Variants in PARP8 observed in about 807,000 individuals in gnomAD.
PARP8 encodes the protein poly(ADP-ribose) polymerase family member 8.
In PARP8, 51 loss-of-function variants were observed where a neutral mutation model predicts 124.1. The observed-to-expected ratio is 0.41, with a 90% CI of 0.33 to 0.52. The LOEUF is 0.52. PARP8 is among the 20% of genes least tolerant of loss of function. The probability of loss-of-function intolerance (pLI) is 0.21; values close to 1 mark genes in which losing one functional copy is unlikely to be tolerated. For synonymous variants in PARP8, 391 were observed against 361.5 expected (o/e 1.08, Z -0.93); for missense variants, 860 against 1,018.9 (o/e 0.84, Z 2.12).
intron 5 of PARP8, among the ~76,000 whole-genome samples, chr5:50,760,886 C>A (rs1215554328): frequency 2.0e-5 from 3 of 152,012 alleles, no homozygotes; most frequent in Non-Finnish European, 1.5e-5. Context: ...TGCAATAGGA[C>A]CAGCAGTTCT....
chr5:50,734,614 T>C (rs1243290715), intron 2 of PARP8, among the ~76,000 whole-genome samples: 1 of 152,154 alleles, frequency 6.6e-6, no homozygotes, highest in Admixed American at 6.5e-5. Context: ...ATAATTCTCA[T>C]CTAAATTGCA....
intron 3 of PARP8, among the ~76,000 whole-genome samples, chr5:50,754,331 C>T (rs967605451): frequency 6.6e-6 from 1 of 151,574 alleles, no homozygotes; most frequent in Non-Finnish European, 1.5e-5. Flanking sequence ...ATCCCTCCCC[C>T]CAGCCTCCCA....
intron 14 of PARP8, among the ~76,000 whole-genome samples, chr5:50,798,286 G>C (rs1742782236): frequency 6.6e-6 from 1 of 152,084 alleles, no homozygotes; most frequent in Admixed American, 6.5e-5. Context: ...AACAGTGGCT[G>C]CATAATTTTA....
intron 12 of PARP8, 69 bp downstream of exon 12, chr5:50,795,486 T>G (rs1580368165): frequency 7.7e-7 from 1 of 1,297,460 alleles, no homozygotes; most frequent in East Asian, 2.4e-5. Flanking sequence ...TTTTTTCTTA[T>G]AAGATCTGGT....
chr5:50,774,223 C>T (rs533913501), intron 7 of PARP8, among the ~76,000 whole-genome samples: 96 of 152,250 alleles, frequency 6.3e-4, no homozygotes, highest in Non-Finnish European at 1.0e-3. Context: ...AATGGAGTCT[C>T]GTATGTCTAC....
intron 9 of PARP8, among the ~76,000 whole-genome samples, chr5:50,780,696 A>ATTCC (rs1436370531): frequency 1.3e-5 from 2 of 152,170 alleles, no homozygotes; most frequent in African/African-American, 4.8e-5. Flanking sequence ...ACAATTTGGA[A>ATTCC]ACCAAGGAAA....
chr5:50,750,285 G>T lies in PARP8; in HGVS notation c.184+97G>T, dbSNP rs929342508. ...TAAAACGCATATAAATATATTGAGG[G>T]GTGAAACACTGGTAGAGGAAGCCTT... On this transcript the variant is annotated intron_variant, in intron 3 of 25. Coordinates refer to ENST00000281631, the MANE Select transcript of PARP8 (RefSeq NM_024615.4). The T allele has an allele frequency of 2.2e-5, 22 of 1,018,658 alleles. No homozygotes were observed. The African/African-American group carries it at 3.4e-4, about 16-fold the overall frequency. The allele number at this position is 1,018,658 out of a possible 1,614,324, so 63.1% of individuals were successfully genotyped here.
At chr5:50,828,138 A>T in intron 20 of PARP8, 82 bp downstream of exon 20, 1 of 1,194,418 alleles carries the variant, frequency 8.4e-7, no homozygotes, top group Admixed American at 1.8e-5. Context: ...ACTGTCTTTC[A>T]GTAAATGATC....
intron 6 of PARP8, 80 bp from the exon 7 acceptor site, chr5:50,763,068 G>T: frequency 9.7e-7 from 1 of 1,033,034 alleles, no homozygotes. Context: ...AAATGCACAG[G>T]GAGACCTGTC....
At chr5:50,805,601 C>T (rs903883574) in intron 14 of PARP8, among the ~76,000 whole-genome samples, 3 of 151,958 alleles carry the variant, frequency 2.0e-5, no homozygotes, top group Non-Finnish European at 2.9e-5. Flanking sequence ...TTAAAAGAAA[C>T]CTGTCTTGCC....
chr5:50,740,048 C>G (rs1757889863), intron 2 of PARP8, among the ~76,000 whole-genome samples: 1 of 152,110 alleles, frequency 6.6e-6, no homozygotes, highest in South Asian at 2.1e-4. Flanking sequence ...TGCGCCCGGC[C>G]TGGGTTTATA....
intron 14 of PARP8, among the ~76,000 whole-genome samples, chr5:50,806,925 G>C (rs999984428): frequency 6.6e-6 from 1 of 152,040 alleles, no homozygotes. Flanking sequence ...ATTACAGTCT[G>C]TAGTAAGTCT....
At chr5:50,688,320 C>T (rs1752101029) in intron 2 of PARP8, among the ~76,000 whole-genome samples, 1 of 151,980 alleles carries the variant, frequency 6.6e-6, no homozygotes. Flanking sequence ...TTCACTCTGA[C>T]ACACAGCATC....
Position 50,812,402 on chromosome 5 carries a change from T to C in PARP8, c.1576-3030T>C, listed in dbSNP as rs575868332. Among the ~76,000 whole-genome samples the C allele has an allele frequency of 5.9e-5, 9 of 152,332 alleles. No individual in the cohort carries two copies. The East Asian group carries it at 1.5e-3, about 26-fold the overall frequency. On this transcript the variant is annotated intron_variant, in intron 14 of 25. Transcript: ENST00000281631. ...TGCATAAATGTCTTCTTTTGAGAAG[T>C]GTCTGTTCGTATCCTTCGCCCACTT...
chr5:50,798,442 A>G (rs1269744137), intron 14 of PARP8, among the ~76,000 whole-genome samples: 1 of 145,216 alleles, frequency 6.9e-6, no homozygotes, highest in East Asian at 2.0e-4. Context: ...TTTTTTTGAG[A>G]CAGAGTCTCG....
chr5:50,814,173 A>G (rs541196986), intron 14 of PARP8, among the ~76,000 whole-genome samples: 6 of 152,270 alleles, frequency 3.9e-5, no homozygotes, highest in African/African-American at 1.2e-4. Flanking sequence ...AATATGCAGT[A>G]AGTGGTTGCC....
intron 10 of PARP8, among the ~76,000 whole-genome samples, chr5:50,790,463 T>G (rs974708332): frequency 6.6e-6 from 1 of 152,058 alleles, no homozygotes. Context: ...CTTGACACAT[T>G]TTTTTTATAC....
At chr5:50,732,757 T>A (rs1361234476) in intron 2 of PARP8, among the ~76,000 whole-genome samples, 1 of 151,888 alleles carries the variant, frequency 6.6e-6, no homozygotes, top group Non-Finnish European at 1.5e-5. Flanking sequence ...TAGCTGGGAC[T>A]ACAGGCACCC....
chr5:50,818,794 G>A (rs1369239263), intron 15 of PARP8, among the ~76,000 whole-genome samples: 1 of 152,182 alleles, frequency 6.6e-6, no homozygotes, highest in Non-Finnish European at 1.5e-5. Context: ...AAAGTCTAAT[G>A]CTAGCTTCTG....
Sources: gnomAD v4.1 joint callset for allele counts (sites outside exome capture counted in the v4.1 genomes callset) on GRCh38, gnomAD v4.1.1 for gene constraint, MANE v1.5 for transcripts, NCBI Gene and HGNC (gene_info 2026-07-23, HGNC 2026-07-21) for gene names.